The following LRBA variants were observed in gnomAD, a reference collection of about 807,000 sequenced individuals.
LRBA encodes LPS responsive beige-like anchor protein.
A neutral mutation model predicts 330.0 loss-of-function variants in LRBA; 176 were observed. The observed-to-expected ratio is 0.53, with a 90% confidence interval of 0.47 to 0.60. The LOEUF is 0.60. LRBA is among the 20% of genes least tolerant of loss of function. The pLI is 0.00. For missense variants in LRBA, 3,259 were observed against 3,444.8 expected (o/e 0.95, Z 1.35); for synonymous variants, 1,230 against 1,193.0 (o/e 1.03, Z -0.64).
chr4:150,749,783 A>G (rs1733291559), intron 35 of LRBA, among the ~76,000 whole-genome samples: 1 of 152,150 alleles, frequency 6.6e-6, no homozygotes, highest in South Asian at 2.1e-4. Context: ...GCAGAAAAAA[A>G]AAACCCTGTA....
chr4:150,586,187 G>A (rs1772092887), intron 40 of LRBA, among the ~76,000 whole-genome samples: 1 of 152,076 alleles, frequency 6.6e-6, no homozygotes, highest in African/African-American at 2.4e-5. Flanking sequence ...GCTTACATTT[G>A]CACAAAATGA....
chr4:150,626,819 A>T (rs998725421), intron 37 of LRBA, among the ~76,000 whole-genome samples: 10 of 152,180 alleles, frequency 6.6e-5, no homozygotes, highest in Non-Finnish European at 1.2e-4. Flanking sequence ...TTCCGTATCA[A>T]AAACTTTAAT....
At chr4:150,792,486 C>G (rs946586827) in intron 34 of LRBA, among the ~76,000 whole-genome samples, 2 of 152,048 alleles carry the variant, frequency 1.3e-5, no homozygotes, top group Admixed American at 6.5e-5. Flanking sequence ...ATAAATTATA[C>G]CTCAATAAAG....
chr4:150,578,553 G>A (rs1581724324), intron 40 of LRBA, among the ~76,000 whole-genome samples: 1 of 152,034 alleles, frequency 6.6e-6, no homozygotes, highest in Admixed American at 6.5e-5. Context: ...GAGTAATCTG[G>A]TTATTTGACT....
intron 17 of LRBA, among the ~76,000 whole-genome samples, chr4:150,874,865 T>C (rs1040622566): frequency 3.3e-5 from 5 of 152,162 alleles, no homozygotes; most frequent in Non-Finnish European, 7.4e-5. Flanking sequence ...CTCCAGGCAT[T>C]AAATGCACTT....
rs1212252752 is a variant in LRBA, at chr4:150,639,736, AAT to A, written c.5922-40607_5922-40606del. On this transcript the variant is annotated intron_variant, in intron 37 of 56. Transcript: ENST00000651943. The stretch of plus-strand genomic sequence containing the variant: ...GAAGATAATCTGAGCCTATGCCCCA[AAT>A]ATATATATATATATATATATATATA... Among the ~76,000 whole-genome samples the A allele has an allele frequency of 1.0e-3, 53 of 51,156 alleles. 1 individual carries two copies. Among genetic ancestry groups the A allele is most frequent in the African/African-American group, 4.2e-3 (50 of 12,012 alleles). The allele number at this position is 51,156 out of a possible 152,430, so 33.6% of individuals were successfully genotyped here. A position where few individuals can be genotyped will look rare whatever the true frequency, so the allele number is the denominator to read the frequency against.
At chr4:150,953,327 C>G (rs1165844948) in intron 2 of LRBA, among the ~76,000 whole-genome samples, 3 of 151,958 alleles carry the variant, frequency 2.0e-5, no homozygotes, top group African/African-American at 7.3e-5. Context: ...AAACAAATCT[C>G]AATAAATTTA....
chr4:150,271,737 C>A (rs1408007280), intron 56 of LRBA, among the ~76,000 whole-genome samples: 5 of 152,194 alleles, frequency 3.3e-5, no homozygotes, highest in Non-Finnish European at 7.3e-5. Flanking sequence ...TAAACAAAGC[C>A]TCTGGGGAGT....
Position 150,683,610 on chromosome 4 carries a change from G to A in LRBA, c.5862C>T (p.Ile1954=). The part of the protein sequence containing the change: ...YRDHVTATQL[I]QKIINILTDK... The stretch of plus-strand genomic sequence containing the variant: ...CTGTGAGAATGTTGATAATTTTCTG[G>A]ATTAGTTGAGTTGCTGTCACGTGGT... Residue 1954 remains isoleucine (I), a synonymous_variant, in exon 37 of 57, where the codon ATC becomes ATT. Transcript: ENST00000651943. 6.2e-7 allele frequency: 1 copy of A among 1,613,446 alleles called. No individual in the cohort carries two copies. The highest frequency in any genetic ancestry group is 1.1e-5 in the South Asian group (1 of 91,062).
Position 150,499,897 on chromosome 4 carries a change from T to G in LRBA, c.6331-8862A>C, listed in dbSNP as rs552677435. ...CCCTAAAAAAGTGTTTTACTTCTCA[T>G]AGAAGTAAAAAGTAAAACAGAGGAT... On this transcript the variant is annotated intron_variant, in intron 40 of 56. Coordinates refer to ENST00000651943, the MANE Select transcript of LRBA (RefSeq NM_001364905.1). 1.0e-3 allele frequency among the ~76,000 whole-genome samples: 157 copies of G among 151,868 alleles called. 2 individuals are homozygous for G. The highest frequency in any genetic ancestry group is 1.9e-3 in the Non-Finnish European group (129 of 67,964).
intron 48 of LRBA, among the ~76,000 whole-genome samples, chr4:150,345,206 T>G (rs1736121869): frequency 6.6e-6 from 1 of 152,220 alleles, no homozygotes; most frequent in Non-Finnish European, 1.5e-5. Flanking sequence ...TTAGTTACAC[T>G]TATTTTCCCA....
At chr4:150,309,611 C>T (rs899141081) in intron 52 of LRBA, among the ~76,000 whole-genome samples, 7 of 152,064 alleles carry the variant, frequency 4.6e-5, no homozygotes, top group Non-Finnish European at 8.8e-5. Flanking sequence ...TTTACTCAGC[C>T]GGATCTCCTA....
intron 44 of LRBA, among the ~76,000 whole-genome samples, chr4:150,455,289 C>A (rs1456760805): frequency 6.6e-6 from 1 of 151,956 alleles, no homozygotes; most frequent in Non-Finnish European, 1.5e-5. Context: ...TGGGTATATA[C>A]CCAAATGACT....
chr4:150,770,002 T>A (rs918215488), intron 34 of LRBA, among the ~76,000 whole-genome samples: 1 of 152,220 alleles, frequency 6.6e-6, no homozygotes, highest in Admixed American at 6.5e-5. Flanking sequence ...GTTGTGTCTG[T>A]GAGGTTGTTC....
rs377363242 is a variant in LRBA at position 150,265,686 on chromosome 4, C to T, written c.*36G>A. ...GAATGATGCTCCAGGTACTTCTGCTCATCCTAGGGGCAGAGTTGATGTACA... is the reference window on the plus strand; with the variant it reads ...GAATGATGCTCCAGGTACTTCTGCTTATCCTAGGGGCAGAGTTGATGTACA... On this transcript the variant is annotated 3_prime_UTR_variant, in exon 57 of 57. Transcript: ENST00000651943. The T allele has an allele frequency of 2.3e-4, 310 of 1,335,176 alleles. 2 individuals are homozygous for T. In the African/African-American group the frequency reaches 3.6e-3, roughly 16 times the overall value. 82.7% of individuals were successfully genotyped at this position (1,335,176 alleles called of 1,614,324 possible). A position where few individuals can be genotyped will look rare whatever the true frequency, so the allele number is the denominator to read the frequency against.
chr4:150,622,406 C>T (rs1318275997), intron 37 of LRBA, among the ~76,000 whole-genome samples: 1 of 152,128 alleles, frequency 6.6e-6, no homozygotes, highest in Non-Finnish European at 1.5e-5. Flanking sequence ...ACAATGGTGG[C>T]ACATTCTTGT....
intron 42 of LRBA, among the ~76,000 whole-genome samples, chr4:150,485,098 T>C (rs1230214177): frequency 6.6e-6 from 1 of 151,982 alleles, no homozygotes; most frequent in African/African-American, 2.4e-5. Context: ...ATGTATTTTG[T>C]GCAATTGACT....
intron 9 of LRBA, among the ~76,000 whole-genome samples, chr4:150,912,503 T>C (rs942098428): frequency 4.6e-5 from 7 of 152,334 alleles, no homozygotes; most frequent in Middle Eastern, 3.4e-3. Context: ...TTCTACATTA[T>C]GGTGAGTCGT....
intron 42 of LRBA, among the ~76,000 whole-genome samples, chr4:150,475,395 A>C (rs1756596408): frequency 6.6e-6 from 1 of 152,230 alleles, no homozygotes; most frequent in Admixed American, 6.5e-5. Context: ...TAGCCAGGAA[A>C]GACAACTGGG....
Sources: gnomAD v4.1 joint callset for allele counts (sites outside exome capture counted in the v4.1 genomes callset) on GRCh38, gnomAD v4.1.1 for gene constraint, MANE v1.5 for transcripts, NCBI Gene and HGNC (gene_info 2026-07-23, HGNC 2026-07-21) for gene names.